Variants in CENPP observed in about 807,000 individuals in gnomAD.
The protein encoded by CENPP is centromere protein P.
A neutral mutation model predicts 35.6 loss-of-function variants in CENPP; 24 were observed. That is an observed-to-expected ratio of 0.67 (90% CI 0.49 to 0.95). CENPP has a LOEUF of 0.95. Ranked by LOEUF, CENPP falls within the 40% of genes least tolerant of loss-of-function variation. The pLI is 0.00. For missense variants in CENPP, 332 were observed against 345.3 expected, an observed-to-expected ratio of 0.96 and a Z score of 0.31; for synonymous variants, 120 against 125.5, an observed-to-expected ratio of 0.96 and a Z score of 0.29.
At chr9:92,439,258 T>G (rs7045409) in intron 5 of CENPP, among the ~76,000 whole-genome samples, 1 of 151,972 alleles carries the variant, frequency 6.6e-6, no homozygotes, top group Non-Finnish European at 1.5e-5. Context: ...CCTGGCTTTC[T>G]TGTCTTTATT....
In CENPP at chr9:92,408,553, G is replaced by GT. The variant is rs200721698; in HGVS notation, c.564+28701dup. ...AAGTTCTTTAACGTTTTGGGCCACAGTTTTTTTATCGATTGAACTTTTATC... is the reference window on the plus strand; with the variant it reads ...AAGTTCTTTAACGTTTTGGGCCACAGTTTTTTTTATCGATTGAACTTTTATC... On this transcript the variant is annotated intron_variant, in intron 5 of 7. Transcript: ENST00000375587. Among the ~76,000 whole-genome samples, 1,110 of 152,262 alleles carry GT rather than the reference G, an allele frequency of 7.3e-3. 10 individuals carry two copies. The highest frequency in any genetic ancestry group is 0.025 in the African/African-American group (1,046 of 41,536).
In CENPP at chr9:92,497,209, C is replaced by G. The variant is rs1050199360; in HGVS notation, c.565-114105C>G. The stretch of plus-strand genomic sequence containing the variant: ...ATTTTTAGTAGTAAGAGTGGAAACA[C>G]ATGTCTATCAATACGGAACTGATTG... On this transcript the variant is annotated intron_variant, in intron 5 of 7. Coordinates refer to ENST00000375587, the MANE Select transcript of CENPP (RefSeq NM_001012267.3). Among the ~76,000 whole-genome samples, 6 of 152,294 alleles carry G rather than the reference C, an allele frequency of 3.9e-5. No homozygotes were observed. The East Asian group carries it at 9.6e-4, about 24-fold the overall frequency.
chr9:92,430,935 A>G (rs1844091807), intron 5 of CENPP, among the ~76,000 whole-genome samples: 1 of 152,012 alleles, frequency 6.6e-6, no homozygotes, highest in South Asian at 2.1e-4. Context: ...AGCTGGGACT[A>G]CAGGTGCACA....
chr9:92,511,915 A>T, intron 5 of CENPP: 1 of 848,260 alleles, frequency 1.2e-6, no homozygotes, highest in Admixed American at 2.6e-5. Flanking sequence ...ACTACCAATT[A>T]GAAGCATTTT....
At position 92,615,612 on chromosome 9, in the gene CENPP, T is replaced by G. The variant is rs1851406137; in HGVS notation, c.*2463T>G. ...AACGGACACTTCCATTTTAAGAGTG[T>G]GAGCAGCTTCCTGGGACACAGCACT... is the stretch of plus-strand genomic sequence containing the variant. On this transcript the variant is annotated 3_prime_UTR_variant, in exon 8 of 8. Coordinates refer to ENST00000375587, the MANE Select transcript of CENPP (RefSeq NM_001012267.3). 1.9e-6 allele frequency: 1 copy of G among 530,666 alleles called. No individual in the cohort carries two copies. The highest frequency in any genetic ancestry group is 3.4e-6 in the Non-Finnish European group (1 of 294,580). 32.9% of individuals were successfully genotyped at this position (530,666 alleles called of 1,614,324 possible). A position where few individuals can be genotyped will look rare whatever the true frequency, so the allele number is the denominator to read the frequency against.
Position 92,611,315 on chromosome 9 carries a change from A to G in CENPP, c.566A>G (p.Glu189Gly), listed in dbSNP as rs757974175. 3 of 1,613,022 alleles carry G rather than the reference A, an allele frequency of 1.9e-6. No individual in the cohort carries two copies. The South Asian group carries it at 3.3e-5, about 18-fold the overall frequency. Residue 189 changes from glutamate (E) to glycine (G), a missense_variant and splice_region_variant, in exon 6 of 8, where the codon GAA (glutamate) becomes GGA (glycine). By Grantham distance (98) the Glu-to-Gly change is moderately conservative (BLOSUM62 -2). Transcript: ENST00000375587. ...YRKRTFKHLKEKYPDAVYLSE... is the reference protein window; with the variant it reads ...YRKRTFKHLKGKYPDAVYLSE... Reference sequence around the variant, plus strand: ...TACCCGTTTCTTCTCCCCATGCAGGAAAAGTACCCAGATGCCGTGTACCTC... The same window carrying G: ...TACCCGTTTCTTCTCCCCATGCAGGGAAAGTACCCAGATGCCGTGTACCTC...
At chr9:92,400,486 A>G (rs1176337885) in intron 5 of CENPP, among the ~76,000 whole-genome samples, 2 of 152,158 alleles carry the variant, frequency 1.3e-5, no homozygotes, top group African/African-American at 2.4e-5. Context: ...TATTTTTACT[A>G]TCATACTTCT....
chr9:92,525,893 C>CAAA (rs71362395), intron 5 of CENPP, among the ~76,000 whole-genome samples: 69 of 43,702 alleles, frequency 1.6e-3, no homozygotes, highest in African/African-American at 3.5e-3. Context: ...ACTCTATCTC[C>CAAA]AAAAAAAAAA....
At chr9:92,430,701 A>T (rs1351126783) in intron 5 of CENPP, among the ~76,000 whole-genome samples, 1 of 151,882 alleles carries the variant, frequency 6.6e-6, no homozygotes, top group Non-Finnish European at 1.5e-5. Flanking sequence ...TTTGTGTTAT[A>T]GTTACTTCTG....
chr9:92,601,045 G>T (rs942316020), intron 5 of CENPP, among the ~76,000 whole-genome samples: 2 of 152,178 alleles, frequency 1.3e-5, no homozygotes, highest in Non-Finnish European at 2.9e-5. Flanking sequence ...GGGCAGACGT[G>T]TGTGTCGCTA....
chr9:92,493,725 C>T (rs1303353686), intron 5 of CENPP: 1 of 162,398 alleles, frequency 6.2e-6, no homozygotes, highest in African/African-American at 2.4e-5. Flanking sequence ...TCTAGAACAT[C>T]ATGAAATTTC....
intron 5 of CENPP, chr9:92,393,315 A>G: frequency 8.2e-7 from 1 of 1,212,842 alleles, no homozygotes. Flanking sequence ...TAGTAAAATT[A>G]TTGCTATTAT....
intron 5 of CENPP, among the ~76,000 whole-genome samples, chr9:92,448,121 C>T (rs553814552): frequency 1.3e-5 from 2 of 152,302 alleles, no homozygotes; most frequent in Non-Finnish European, 1.5e-5. Flanking sequence ...AAAGTTGTAA[C>T]CACCCAAGGG....
At chr9:92,401,563 A>G (rs1181278281) in intron 5 of CENPP, among the ~76,000 whole-genome samples, 1 of 152,134 alleles carries the variant, frequency 6.6e-6, no homozygotes, top group Non-Finnish European at 1.5e-5. Context: ...GTCTGAACTG[A>G]GTTTCTCATT....
At position 92,567,373 on chromosome 9, in the gene CENPP, G is replaced by GATATATATATATATATATAT; in HGVS notation, c.565-43937_565-43918dup. 1.5e-3 allele frequency among the ~76,000 whole-genome samples: 200 copies of GATATATATATATATATATAT among 129,032 alleles called. 6 individuals are homozygous for GATATATATATATATATATAT. Among genetic ancestry groups the GATATATATATATATATATAT allele is most frequent in the South Asian group, 5.3e-3 (19 of 3,596 alleles). The allele number at this position is 129,032 out of a possible 152,430, so 84.7% of individuals were successfully genotyped here. ...ATGGGGTATACAGTTACATAAGATA[G>GATATATATATATATATATAT]ATATATATATATATATATATATAGA... On this transcript the variant is annotated intron_variant, in intron 5 of 7. Transcript: ENST00000375587.
chr9:92,543,729 C>T (rs182316349), intron 5 of CENPP, among the ~76,000 whole-genome samples: 4 of 152,120 alleles, frequency 2.6e-5, no homozygotes, highest in East Asian at 3.9e-4. Context: ...CTTTCATCAG[C>T]GATTTATAGG....
At chr9:92,359,652 C>T (rs1444967556) in intron 4 of CENPP, among the ~76,000 whole-genome samples, 1 of 152,188 alleles carries the variant, frequency 6.6e-6, no homozygotes, top group Non-Finnish European at 1.5e-5. Flanking sequence ...CTGGAAATCA[C>T]TTCAACTGGA....
At chr9:92,517,202 G>T (rs984819100) in intron 5 of CENPP, 3 of 163,112 alleles carry the variant, frequency 1.8e-5, no homozygotes, top group African/African-American at 7.2e-5. Flanking sequence ...AAGCAGTGAT[G>T]TGGGTTCCTG....
chr9:92,517,725 A>T, intron 5 of CENPP: 2 of 1,614,214 alleles, frequency 1.2e-6, no homozygotes, highest in South Asian at 2.2e-5. Context: ...CCCTTCAGGT[A>T]TAACTGTTTG....
Sources: allele counts gnomAD v4.1 joint callset (sites outside exome capture counted in the v4.1 genomes callset), GRCh38; gene constraint gnomAD v4.1.1; transcripts MANE v1.5; gene names NCBI Gene and HGNC (gene_info 2026-07-23, HGNC 2026-07-21).